The following CHN1 variants were observed in gnomAD, a reference collection of about 807,000 sequenced individuals.
CHN1 encodes the protein N-chimaerin.
A neutral mutation model predicts 59.5 loss-of-function variants in CHN1; 37 were observed. The observed-to-expected ratio is 0.62, with a 90% CI of 0.48 to 0.82. CHN1 has a LOEUF of 0.82. Among genes scored for constraint, CHN1 ranks in the 40% least tolerant of loss-of-function variants. CHN1 has a pLI of 0.00. For synonymous variants in CHN1, 206 were observed against 200.4 expected, an observed-to-expected ratio of 1.03 and a Z score of -0.24; for missense variants, 469 against 571.0, an observed-to-expected ratio of 0.82 and a Z score of 1.82.
intron 1 of CHN1, among the ~76,000 whole-genome samples, chr2:174,956,223 C>A (rs1332508742): frequency 6.6e-6 from 1 of 151,812 alleles, no homozygotes; most frequent in African/African-American, 2.4e-5. Context: ...AAATAACAAC[C>A]CCAAATTTTA....
chr2:174,919,138 T>C (rs1156318853), intron 3 of CHN1, among the ~76,000 whole-genome samples: 12 of 152,162 alleles, frequency 7.9e-5, no homozygotes, highest in Non-Finnish European at 2.9e-5. Flanking sequence ...GAACAGCAAA[T>C]ATGTGACAGG....
At chr2:174,994,795 C>T (rs1411115198) in intron 1 of CHN1, among the ~76,000 whole-genome samples, 3 of 152,138 alleles carry the variant, frequency 2.0e-5, no homozygotes, top group South Asian at 2.1e-4. Flanking sequence ...AGCACAGTCT[C>T]TAAGTGGGAG....
At chr2:174,943,310 T>C (rs529327913) in intron 3 of CHN1, among the ~76,000 whole-genome samples, 23 of 152,064 alleles carry the variant, frequency 1.5e-4, no homozygotes, top group Non-Finnish European at 3.2e-4. Flanking sequence ...CACTGCAACC[T>C]CTGCCTCCCG....
intron 6 of CHN1, among the ~76,000 whole-genome samples, chr2:174,866,574 G>GA (rs1687222537): frequency 6.6e-6 from 1 of 152,152 alleles, no homozygotes; most frequent in African/African-American, 2.4e-5. Context: ...TATTCACATT[G>GA]AAATACTTGG....
intron 5 of CHN1, among the ~76,000 whole-genome samples, chr2:174,908,649 C>G (rs987359596): frequency 6.6e-6 from 1 of 152,178 alleles, no homozygotes; most frequent in Non-Finnish European, 1.5e-5. Context: ...GTAAGCCAGT[C>G]TACCTTTAAG....
At chr2:174,837,256 G>C (rs191540090) in intron 7 of CHN1, 1 of 152,302 alleles carries the variant, frequency 6.6e-6, no homozygotes, top group African/African-American at 2.4e-5. Context: ...TTAAGAACAA[G>C]GGCATGTGTA....
At chr2:174,926,960 G>A (rs572362421) in intron 3 of CHN1, among the ~76,000 whole-genome samples, 1 of 152,006 alleles carries the variant, frequency 6.6e-6, no homozygotes, top group East Asian at 1.9e-4. Flanking sequence ...GGGTTTCACC[G>A]TGTTAGCCAG....
intron 8 of CHN1, among the ~76,000 whole-genome samples, chr2:174,818,144 T>C (rs1685346545): frequency 6.6e-6 from 1 of 152,226 alleles, no homozygotes; most frequent in African/African-American, 2.4e-5. Context: ...GATAAAGTGA[T>C]GAGTGAGCTC....
chr2:174,864,953 CTTTA>C (rs570358823), intron 6 of CHN1, among the ~76,000 whole-genome samples: 165 of 152,018 alleles, frequency 1.1e-3, no homozygotes, highest in South Asian at 4.2e-3. Flanking sequence ...AGTCTAAATC[CTTTA>C]TTTATTTATT....
chr2:174,914,613 A>G (rs1358784734), intron 5 of CHN1, among the ~76,000 whole-genome samples: 1 of 152,072 alleles, frequency 6.6e-6, no homozygotes, highest in Admixed American at 6.6e-5. Context: ...TTGGGAGGCC[A>G]AAGTGGGTGA....
chr2:174,823,752 C>T (rs1574057908), intron 8 of CHN1, among the ~76,000 whole-genome samples: 2 of 152,172 alleles, frequency 1.3e-5, no homozygotes, highest in East Asian at 3.9e-4. Context: ...ACGTGATATA[C>T]ATAAGTACTT....
At chr2:175,000,994 C>T (rs1691872180) in intron 1 of CHN1, among the ~76,000 whole-genome samples, 1 of 152,192 alleles carries the variant, frequency 6.6e-6, no homozygotes, top group South Asian at 2.1e-4. Flanking sequence ...CATAGTGCAA[C>T]TACAGTCTTG....
intron 1 of CHN1, among the ~76,000 whole-genome samples, chr2:175,003,151 A>G (rs1434699635): frequency 1.3e-5 from 2 of 152,228 alleles, no homozygotes; most frequent in Non-Finnish European, 2.9e-5. Context: ...ACCACTTTTA[A>G]AAACAGCTGC....
intron 5 of CHN1, among the ~76,000 whole-genome samples, chr2:174,884,254 AGC>A (rs1194478139): frequency 6.6e-6 from 1 of 152,120 alleles, no homozygotes; most frequent in African/African-American, 2.4e-5. Flanking sequence ...TACAGGCGTG[AGC>A]CACCGAGCCC....
intron 5 of CHN1, among the ~76,000 whole-genome samples, chr2:174,883,121 A>T (rs887403741): frequency 6.6e-6 from 1 of 152,214 alleles, no homozygotes; most frequent in African/African-American, 2.4e-5. Context: ...CCATCTTCTG[A>T]ACAGTGGAAC....
chr2:174,918,304 T>C (rs1688909238), intron 4 of CHN1, among the ~76,000 whole-genome samples: 1 of 152,210 alleles, frequency 6.6e-6, no homozygotes, highest in Non-Finnish European at 1.5e-5. Context: ...TTGTACGGTT[T>C]GCATCCTTAA....
rs192203438 is a variant in CHN1, at chr2:174,959,983, T to C, written c.20-7781A>G. Among the ~76,000 whole-genome samples, 149 of 152,122 alleles carry C rather than the reference T, an allele frequency of 9.8e-4. 1 individual carries two copies. Among genetic ancestry groups the C allele is most frequent in the African/African-American group, 3.4e-3 (143 of 41,496 alleles). On this transcript the variant is annotated intron_variant, in intron 1 of 12. Transcript: ENST00000409900. ...CTTAAATGCTGAGAAAAAATGATGA[T>C]GGGAAGGAAGAGCAATAGTGTAGTT...
intron 5 of CHN1, among the ~76,000 whole-genome samples, chr2:174,895,032 TACACACACACACGCGCGC>T (rs1165541648): frequency 6.9e-6 from 1 of 144,952 alleles, no homozygotes; most frequent in African/African-American, 2.8e-5. Flanking sequence ...ACATAGTATA[TACACACACACACGCGCGC>T]ACACACACAC....
chr2:174,824,497 G>T lies in CHN1; in HGVS notation c.649C>A (p.His217Asn). Residue 217 changes from histidine to asparagine, a missense_variant, in exon 8 of 13, where the codon CAC (histidine) becomes AAC (asparagine). Physicochemically the swap from His to Asn is moderately conservative, Grantham distance 68. Around this residue, in one of 5 missense-constraint regions of CHN1, gnomAD observed 81 missense variants for 71.7 expected, o/e 1.13. Coordinates refer to ENST00000409900, the MANE Select transcript of CHN1 (RefSeq NM_001822.7). ...NFKVHTFRGPHWCEYCANFMW... is the reference protein window; with the variant it reads ...NFKVHTFRGPNWCEYCANFMW... ...AAGTTGGCACAGTATTCACACCAGT[G>T]TGGCCCTCTGAATGTATGCACCTGA... 1 of 1,602,498 alleles carries T rather than the reference G, an allele frequency of 6.2e-7. No homozygotes were observed. Among genetic ancestry groups the T allele is most frequent in the East Asian group, 2.2e-5 (1 of 44,624 alleles).
Sources: gnomAD v4.1 joint callset for allele counts (sites outside exome capture counted in the v4.1 genomes callset) on GRCh38, gnomAD v4.1.1 for gene constraint, gnomAD v4.1.1 regional missense constraint, MANE v1.5 for transcripts, NCBI Gene and HGNC (gene_info 2026-07-23, HGNC 2026-07-21) for gene names.